Variants in PDE1A observed in about 807,000 individuals in gnomAD.
The protein encoded by PDE1A is phosphodiesterase 1A, also known as dual specificity calcium/calmodulin-dependent 3',5'-cyclic nucleotide phosphodiesterase 1A.
Under a neutral mutation model 61.7 loss-of-function variants are expected in PDE1A, and 35 were observed. The observed-to-expected ratio is 0.57, with a 90% CI of 0.43 to 0.75. The LOEUF (loss-of-function observed/expected upper bound fraction) is 0.75. Among genes scored for constraint, PDE1A ranks in the 30% least tolerant of loss-of-function variants. The pLI is 0.00. For missense variants in PDE1A, 597 were observed against 630.6 expected, an observed-to-expected ratio of 0.95 and a Z score of 0.57; for synonymous variants, 232 against 213.2, an observed-to-expected ratio of 1.09 and a Z score of -0.77.
intron 2 of PDE1A, among the ~76,000 whole-genome samples, chr2:182,246,010 C>A (rs2128044): frequency 1.3e-5 from 2 of 152,350 alleles, no homozygotes; most frequent in South Asian, 2.1e-4. Flanking sequence ...TGGCCTCCCC[C>A]TCTTGCTCCT....
At chr2:182,205,283 A>C (rs971969105) in intron 8 of PDE1A, among the ~76,000 whole-genome samples, 12 of 152,132 alleles carry the variant, frequency 7.9e-5, no homozygotes, top group Admixed American at 2.6e-4. Context: ...CTTTACTTTT[A>C]TTTGTGAAGT....
intron 1 of PDE1A, among the ~76,000 whole-genome samples, chr2:182,317,855 A>G (rs758347552): frequency 1.3e-5 from 2 of 152,170 alleles, no homozygotes; most frequent in Non-Finnish European, 2.9e-5. Flanking sequence ...AGAAGGGAAT[A>G]GGTAGACGGG....
chr2:182,267,817 A>C (rs1692740785), intron 1 of PDE1A, among the ~76,000 whole-genome samples: 1 of 152,052 alleles, frequency 6.6e-6, no homozygotes, highest in Admixed American at 6.6e-5. Context: ...CATCTTCATG[A>C]ATAATTTTCA....
At chr2:182,162,966 G>A (rs1355976068), downstream of PDE1A, among the ~76,000 whole-genome samples, 1 of 152,168 alleles carries the variant, frequency 6.6e-6, no homozygotes, top group African/African-American at 2.4e-5. Flanking sequence ...TATTAGAACT[G>A]CCTGTACCTA....
At chr2:182,668,417 G>C in the PDE1A span, among the ~76,000 whole-genome samples, 1 of 151,962 alleles carries the variant, frequency 6.6e-6, no homozygotes, top group East Asian at 1.9e-4. Flanking sequence ...CTTCACTTCA[G>C]TGGAGACTAG....
At chr2:182,214,579 G>A (rs1687989510) in intron 7 of PDE1A, among the ~76,000 whole-genome samples, 1 of 151,356 alleles carries the variant, frequency 6.6e-6, no homozygotes, top group African/African-American at 2.4e-5. Context: ...GATCTACCAA[G>A]CCAATGGAAA....
At chr2:182,309,311 T>C (rs55987533) in intron 1 of PDE1A, among the ~76,000 whole-genome samples, 7,192 of 152,026 alleles carry the variant, frequency 0.047, 555 homozygotes, top group African/African-American at 0.16. Flanking sequence ...TGTGACAAAA[T>C]AGAAAATAAC....
intron 13 of PDE1A, among the ~76,000 whole-genome samples, chr2:182,156,578 C>T (rs545915135): frequency 1.3e-5 from 2 of 152,288 alleles, no homozygotes; most frequent in African/African-American, 4.8e-5. Context: ...GTAAACATGA[C>T]ATTTTTCATC....
At chr2:182,425,500 A>T (rs76741830) in intron 1 of PDE1A, among the ~76,000 whole-genome samples, 7,459 of 152,276 alleles carry the variant, frequency 0.049, 593 homozygotes, top group African/African-American at 0.17. Context: ...TTTATGTTCA[A>T]AGGAAGACTT....
intron 1 of PDE1A, among the ~76,000 whole-genome samples, chr2:182,305,650 A>G (rs1185021458): frequency 6.6e-6 from 1 of 152,152 alleles, no homozygotes; most frequent in Non-Finnish European, 1.5e-5. Flanking sequence ...AATTGTTGCT[A>G]AGCATTAGAA....
chr2:182,529,214 C>T, the PDE1A span, among the ~76,000 whole-genome samples: 1 of 152,170 alleles, frequency 6.6e-6, no homozygotes, highest in South Asian at 2.1e-4. Context: ...GCCACAGGGG[C>T]AGAGCTGCCA....
chr2:182,661,349 C>G, the PDE1A span, among the ~76,000 whole-genome samples: 4 of 152,214 alleles, frequency 2.6e-5, no homozygotes, highest in East Asian at 7.7e-4. Context: ...TGCCCATATA[C>G]TAGAAAGAAT....
At chr2:182,693,422 A>G in the PDE1A span, among the ~76,000 whole-genome samples, 3 of 152,186 alleles carry the variant, frequency 2.0e-5, no homozygotes, top group Non-Finnish European at 4.4e-5. Flanking sequence ...CCTAGCAGCT[A>G]ATAATGTGCA....
chr2:182,637,941 G>A, the PDE1A span, among the ~76,000 whole-genome samples: 1 of 151,698 alleles, frequency 6.6e-6, no homozygotes, highest in African/African-American at 2.4e-5. Flanking sequence ...AAAAGTCAAA[G>A]TCATACAAAA....
At chr2:182,668,455 A>T in the PDE1A span, among the ~76,000 whole-genome samples, 1 of 152,062 alleles carries the variant, frequency 6.6e-6, no homozygotes, top group Non-Finnish European at 1.5e-5. Context: ...GGCAAAAAAA[A>T]CCAATAGAGG....
At chr2:182,603,935 C>CTT in the PDE1A span, among the ~76,000 whole-genome samples, 13 of 152,082 alleles carry the variant, frequency 8.5e-5, no homozygotes, top group East Asian at 2.3e-3. Context: ...ATATCTCAAC[C>CTT]TACTAATACT....
chr2:182,559,167 G>A, the PDE1A span, among the ~76,000 whole-genome samples: 1 of 152,012 alleles, frequency 6.6e-6, no homozygotes, highest in Non-Finnish European at 1.5e-5. Flanking sequence ...TAAAATTAAA[G>A]GCTGAATAAG....
At chr2:182,260,997 G>A (rs903634185) in intron 2 of PDE1A, among the ~76,000 whole-genome samples, 8 of 152,112 alleles carry the variant, frequency 5.3e-5, no homozygotes, top group Non-Finnish European at 1.0e-4. Flanking sequence ...GGTAATAATA[G>A]AGTTTCTATT....
chr2:182,674,184 T>C, the PDE1A span, among the ~76,000 whole-genome samples: 3 of 151,982 alleles, frequency 2.0e-5, no homozygotes, highest in African/African-American at 7.2e-5. Flanking sequence ...ACCAAAAATC[T>C]ATGTACTAAA....
Sources: gnomAD v4.1 joint callset for allele counts (sites outside exome capture counted in the v4.1 genomes callset) on GRCh38, gnomAD v4.1.1 for gene constraint, MANE v1.5 for transcripts, NCBI Gene and HGNC (gene_info 2026-07-23, HGNC 2026-07-21) for gene names.